ENTREP2: variants seen among roughly 807,000 people sequenced by gnomAD.
ENTREP2 encodes endosomal transmembrane epsin interactor 2.
the ENTREP2 span, among the ~76,000 whole-genome samples, chr15:29,308,544 G>A: frequency 3.9e-5 from 6 of 152,116 alleles, no homozygotes; most frequent in African/African-American, 1.4e-4. Context: ...TACCAGCGGT[G>A]CGGCCCTAGC....
At chr15:29,577,265 C>G in the ENTREP2 span, among the ~76,000 whole-genome samples, 1 of 151,204 alleles carries the variant, frequency 6.6e-6, no homozygotes, top group South Asian at 2.1e-4. Flanking sequence ...CAAACAAATT[C>G]TACTTCTGGA....
the ENTREP2 span, among the ~76,000 whole-genome samples, chr15:29,481,466 G>A: frequency 0.068 from 10,414 of 152,120 alleles, 486 homozygotes; most frequent in South Asian, 0.13. Context: ...TCATGCAGAA[G>A]ACAGACTGAT....
At chr15:29,498,785 A>G in the ENTREP2 span, among the ~76,000 whole-genome samples, 130 of 152,026 alleles carry the variant, frequency 8.6e-4, 1 homozygote, top group African/African-American at 2.9e-3. Context: ...ATTGCTGTCT[A>G]TTTCTCCTTT....
the ENTREP2 span, chr15:29,252,317 C>T: frequency 1.7e-6 from 2 of 1,172,656 alleles, no homozygotes; most frequent in African/African-American, 3.1e-5. Context: ...TGCTCTTGTA[C>T]AAAATCAAAT....
At chr15:29,378,569 G>C in the ENTREP2 span, among the ~76,000 whole-genome samples, 1 of 151,606 alleles carries the variant, frequency 6.6e-6, no homozygotes. Context: ...AGAAAATGAC[G>C]GACCTGCTAC....
the ENTREP2 span, among the ~76,000 whole-genome samples, chr15:29,543,151 A>G: frequency 2.1e-5 from 1 of 48,520 alleles, no homozygotes; most frequent in Admixed American, 1.5e-4. Context: ...GACTGTCTAC[A>G]TGACATGTTA....
the ENTREP2 span, among the ~76,000 whole-genome samples, chr15:29,512,566 G>A: frequency 3.9e-5 from 6 of 152,178 alleles, no homozygotes; most frequent in African/African-American, 1.4e-4. Context: ...GAGTGTGGAG[G>A]CCCCATGTTG....
the ENTREP2 span, among the ~76,000 whole-genome samples, chr15:29,378,803 G>A: frequency 1.2e-4 from 18 of 152,138 alleles, no homozygotes. Flanking sequence ...GTATGCGTGT[G>A]TATATCTATC....
the ENTREP2 span, chr15:29,674,972 C>T: frequency 4.6e-5 from 7 of 153,426 alleles, no homozygotes; most frequent in East Asian, 5.8e-4. Flanking sequence ...GGCTTCCCCT[C>T]TCCGCCACCC....
chr15:29,149,973 G>A, the ENTREP2 span, among the ~76,000 whole-genome samples: 1 of 152,184 alleles, frequency 6.6e-6, no homozygotes, highest in East Asian at 1.9e-4. Context: ...AGCCGCTGTC[G>A]CCGCAGCCTG....
At chr15:29,323,358 C>A in the ENTREP2 span, among the ~76,000 whole-genome samples, 1 of 152,106 alleles carries the variant, frequency 6.6e-6, no homozygotes, top group Non-Finnish European at 1.5e-5. Context: ...CCAAGAGGAC[C>A]GGGTTCAGAG....
chr15:29,441,148 GACACATGCC>G, the ENTREP2 span, among the ~76,000 whole-genome samples: 1 of 152,200 alleles, frequency 6.6e-6, no homozygotes, highest in African/African-American at 2.4e-5. Context: ...AGGAAATTCA[GACACATGCC>G]ACAACATGGA....
At chr15:29,434,098 C>T in the ENTREP2 span, among the ~76,000 whole-genome samples, 1 of 152,274 alleles carries the variant, frequency 6.6e-6, no homozygotes, top group East Asian at 1.9e-4. Flanking sequence ...AATGAACTAA[C>T]GACTGTGTGG....
At chr15:29,398,621 G>A in the ENTREP2 span, among the ~76,000 whole-genome samples, 1 of 152,178 alleles carries the variant, frequency 6.6e-6, no homozygotes, top group South Asian at 2.1e-4. Context: ...CTACTCGGGA[G>A]GCTGAGGCAG....
the ENTREP2 span, among the ~76,000 whole-genome samples, chr15:29,243,195 C>T: frequency 6.6e-6 from 1 of 152,164 alleles, no homozygotes; most frequent in East Asian, 1.9e-4. Flanking sequence ...GCTGGGAATC[C>T]ATGTTTTGTT....
the ENTREP2 span, chr15:29,269,165 T>A: frequency 5.6e-6 from 9 of 1,614,122 alleles, no homozygotes; most frequent in South Asian, 9.9e-5. Context: ...CCTAAGACGA[T>A]CATCAGGAGG....
the ENTREP2 span, among the ~76,000 whole-genome samples, chr15:29,571,393 G>T: frequency 6.6e-6 from 1 of 152,176 alleles, no homozygotes; most frequent in Non-Finnish European, 1.5e-5. Context: ...ACGGGGAGAC[G>T]GGCTGGGAGC....
chr15:29,421,228 G>A, the ENTREP2 span, among the ~76,000 whole-genome samples: 1 of 152,160 alleles, frequency 6.6e-6, no homozygotes. Context: ...TCAAGAGTAA[G>A]TTAGTGAAAG....
chr15:29,642,197 G>C, the ENTREP2 span, among the ~76,000 whole-genome samples: 2 of 151,922 alleles, frequency 1.3e-5, no homozygotes, highest in Non-Finnish European at 2.9e-5. Flanking sequence ...TGGAAAAGAA[G>C]AACAAATCTG....
Sources: gnomAD v4.1 joint callset for allele counts (sites outside exome capture counted in the v4.1 genomes callset) on GRCh38, gnomAD v4.1.1 for gene constraint, MANE v1.5 for transcripts, NCBI Gene and HGNC (gene_info 2026-07-23, HGNC 2026-07-21) for gene names.